The following WDR19 variants were observed in gnomAD, a reference collection of about 807,000 sequenced individuals.
The protein encoded by WDR19 is WD repeat-containing protein 19.
WDR19 carries 121 observed loss-of-function variants against 180.0 expected under a neutral mutation model. The ratio of observed to expected loss-of-function variants is 0.67; its 90% CI spans 0.58 to 0.78. The LOEUF is 0.78. Among genes scored for constraint, WDR19 ranks in the 30% least tolerant of loss-of-function variants. WDR19 has a pLI of 0.00. For synonymous variants in WDR19, 497 were observed against 540.7 expected (o/e 0.92, Z 1.12); for missense variants, 1,450 against 1,640.7 (o/e 0.88, Z 2.01).
At chr4:39,240,394 T>G in intron 21 of WDR19, 60 bp downstream of exon 21, 3 of 1,093,942 alleles carry the variant, frequency 2.7e-6, no homozygotes, top group South Asian at 4.8e-5. Context: ...TCAGTTTCAT[T>G]TTTAAAAATC....
intron 1 of WDR19, 45 bp downstream of exon 1, chr4:39,182,608 T>C (rs1560466575): frequency 6.2e-7 from 1 of 1,613,158 alleles, no homozygotes; most frequent in Non-Finnish European, 8.5e-7. Flanking sequence ...AAAACGCGAC[T>C]ACTGGCCCTT....
At chr4:39,261,217 C>G (rs192274633) in intron 28 of WDR19, among the ~76,000 whole-genome samples, 1 of 151,250 alleles carries the variant, frequency 6.6e-6, no homozygotes, top group Non-Finnish European at 1.5e-5. Context: ...TTCTCAAACT[C>G]CTGACCTCCG....
intron 19 of WDR19, 111 bp from the exon 20 acceptor site, chr4:39,234,655 A>G (rs1199310623): frequency 1.1e-5 from 8 of 721,912 alleles, no homozygotes; most frequent in Non-Finnish European, 2.0e-5. Context: ...ATCAAGTTTC[A>G]TTATTTAAAC....
intron 33 of WDR19, chr4:39,275,288 C>T (rs560671918): frequency 6.2e-4 from 202 of 325,470 alleles, no homozygotes; most frequent in African/African-American, 1.3e-3. Flanking sequence ...TGCAGTGAGC[C>T]GAGATCGTGC....
chr4:39,284,323 T>TA (rs1027727301), intron 36 of WDR19, among the ~76,000 whole-genome samples: 27 of 137,146 alleles, frequency 2.0e-4, no homozygotes, highest in Admixed American at 7.5e-4. Flanking sequence ...TCTAAGTAAG[T>TA]AAAAAAAATT....
chr4:39,256,438 CAT>C (rs1288655944), intron 27 of WDR19, among the ~76,000 whole-genome samples: 1 of 152,190 alleles, frequency 6.6e-6, no homozygotes, highest in Non-Finnish European at 1.5e-5. Context: ...CTGAATGGCA[CAT>C]GTCTTAAGAA....
chr4:39,207,281 A>G (rs1454755642), intron 9 of WDR19, among the ~76,000 whole-genome samples: 2 of 152,218 alleles, frequency 1.3e-5, no homozygotes, highest in African/African-American at 2.4e-5. Flanking sequence ...CTGAACATGG[A>G]AGAAAAAAAT....
At chr4:39,259,383 C>T (rs1734066589) in intron 28 of WDR19, among the ~76,000 whole-genome samples, 1 of 152,160 alleles carries the variant, frequency 6.6e-6, no homozygotes, top group Non-Finnish European at 1.5e-5. Flanking sequence ...TTGCTTTAGT[C>T]GTCTGTCCTT....
At chr4:39,210,259 G>T (rs1002310291) in intron 9 of WDR19, among the ~76,000 whole-genome samples, 1 of 152,190 alleles carries the variant, frequency 6.6e-6, no homozygotes, top group Non-Finnish European at 1.5e-5. Context: ...TCATAAACTT[G>T]AGCATGAAAA....
At chr4:39,217,007 TA>T in intron 12 of WDR19, 126 bp from the exon 13 acceptor site, 1 of 613,690 alleles carries the variant, frequency 1.6e-6, no homozygotes, top group Non-Finnish European at 2.8e-6. Context: ...TTTAATCATT[TA>T]AGATTAAAAT....
At chr4:39,195,386 AC>A (rs1726635875) in intron 5 of WDR19, among the ~76,000 whole-genome samples, 5 of 113,636 alleles carry the variant, frequency 4.4e-5, no homozygotes, top group Non-Finnish European at 7.6e-5. Context: ...AAACAAAAAA[AC>A]AAACAAACAA....
intron 13 of WDR19, among the ~76,000 whole-genome samples, chr4:39,217,484 GTAA>G (rs749603068): frequency 6.6e-6 from 1 of 151,994 alleles, no homozygotes; most frequent in Non-Finnish European, 1.5e-5. Flanking sequence ...TAGTAAAACA[GTAA>G]TAATAATAAT....
intron 9 of WDR19, among the ~76,000 whole-genome samples, chr4:39,211,049 T>C (rs1347850107): frequency 6.6e-6 from 1 of 151,584 alleles, no homozygotes; most frequent in Non-Finnish European, 1.5e-5. Flanking sequence ...GAGGCTGCAG[T>C]GAGCTGTGGT....
At chr4:39,272,915 G>A (rs1735514224) in intron 31 of WDR19, 65 bp from the exon 32 acceptor site, 1 of 1,350,778 alleles carries the variant, frequency 7.4e-7, no homozygotes, top group Non-Finnish European at 1.0e-6. Flanking sequence ...TTATTTGGGG[G>A]AACAAAGCAT....
intron 33 of WDR19, 120 bp downstream of exon 33, chr4:39,275,078 A>G (rs950788653): frequency 1.6e-6 from 2 of 1,254,666 alleles, no homozygotes; most frequent in African/African-American, 3.0e-5. Context: ...AGTGGCTCAC[A>G]CCTATAATCC....
Position 39,244,406 on chromosome 4 carries a change from T to C in WDR19, c.2562+18T>C. 1 of 1,613,976 alleles carries C rather than the reference T, an allele frequency of 6.2e-7. No homozygotes were observed. Among genetic ancestry groups the C allele is most frequent in the Non-Finnish European group, 8.5e-7 (1 of 1,179,850 alleles). The stretch of plus-strand genomic sequence containing the variant: ...ATATGAAGGTCCTCTTTTCTCTGCA[T>C]CAATATACATGTGGTCTTTTATACA... On this transcript the variant is annotated intron_variant, in intron 22 of 36. Transcript: ENST00000399820.
intron 21 of WDR19, among the ~76,000 whole-genome samples, chr4:39,242,996 T>C (rs1732126044): frequency 6.6e-6 from 1 of 152,084 alleles, no homozygotes; most frequent in Admixed American, 6.5e-5. Context: ...AATAAAAAAT[T>C]AGCTGGGTAT....
At chr4:39,184,342 G>A (rs1725286848) in intron 1 of WDR19, among the ~76,000 whole-genome samples, 1 of 151,776 alleles carries the variant, frequency 6.6e-6, no homozygotes, top group Non-Finnish European at 1.5e-5. Flanking sequence ...CCCAGGAGGC[G>A]GAGGTTGCAG....
chr4:39,248,155 T>C (rs1021185858), intron 24 of WDR19, among the ~76,000 whole-genome samples: 1 of 152,242 alleles, frequency 6.6e-6, no homozygotes, highest in South Asian at 2.1e-4. Context: ...GCTGATCTCT[T>C]GGCAGGAACT....
Sources: gnomAD v4.1 joint callset for allele counts (sites outside exome capture counted in the v4.1 genomes callset) on GRCh38, gnomAD v4.1.1 for gene constraint, MANE v1.5 for transcripts, NCBI Gene and HGNC (gene_info 2026-07-23, HGNC 2026-07-21) for gene names.